Variants in GABRB3 observed in about 807,000 individuals in gnomAD.
The protein encoded by GABRB3 is gamma-aminobutyric acid type A receptor subunit beta3.
GABRB3 carries 14 observed loss-of-function variants against 52.1 expected under a neutral mutation model. The ratio of observed to expected loss-of-function variants is 0.27; its 90% CI spans 0.18 to 0.42. The LOEUF (loss-of-function observed/expected upper bound fraction) is 0.42. Ranked by LOEUF, GABRB3 falls within the 10% of genes least tolerant of loss-of-function variation. The pLI is 1.00. For missense variants in GABRB3, 307 were observed against 609.1 expected, an observed-to-expected ratio of 0.50 and a Z score of 5.22; for synonymous variants, 260 against 232.3, an observed-to-expected ratio of 1.12 and a Z score of -1.08.
At chr15:26,709,734 G>A (rs950880021) in intron 3 of GABRB3, among the ~76,000 whole-genome samples, 2 of 151,918 alleles carry the variant, frequency 1.3e-5, no homozygotes, top group African/African-American at 2.4e-5. Context: ...AGCCAGGATG[G>A]TCTCAATCTC....
At chr15:26,629,118 A>T in intron 3 of GABRB3, 1 of 1,529,904 alleles carries the variant, frequency 6.5e-7, no homozygotes. Flanking sequence ...TCTGCTCTTT[A>T]CAGGAGAGGC....
intron 7 of GABRB3, among the ~76,000 whole-genome samples, chr15:26,565,213 A>G (rs1032810921): frequency 6.6e-6 from 1 of 151,956 alleles, no homozygotes; most frequent in Non-Finnish European, 1.5e-5. Context: ...TGCTCCTGAC[A>G]CTGCGTCATA....
chr15:26,583,233 C>CA, intron 5 of GABRB3, 99 bp downstream of exon 5: 2 of 966,038 alleles, frequency 2.1e-6, no homozygotes, highest in Non-Finnish European at 3.3e-6. Flanking sequence ...CTTTCTATGT[C>CA]AAAAAAATTA....
intron 8 of GABRB3, among the ~76,000 whole-genome samples, chr15:26,555,655 A>T (rs923175080): frequency 2.0e-5 from 3 of 152,220 alleles, no homozygotes; most frequent in Non-Finnish European, 2.9e-5. Flanking sequence ...CTTAGGACAT[A>T]GCACATGTGA....
chr15:26,684,786 A>G (rs1350483312), intron 3 of GABRB3, among the ~76,000 whole-genome samples: 2 of 152,166 alleles, frequency 1.3e-5, no homozygotes, highest in African/African-American at 4.8e-5. Flanking sequence ...GCCGTCTTCT[A>G]TGGGTGCTGT....
At chr15:26,606,289 A>C (rs939753569) in intron 4 of GABRB3, among the ~76,000 whole-genome samples, 5 of 152,158 alleles carry the variant, frequency 3.3e-5, no homozygotes, top group African/African-American at 1.2e-4. Flanking sequence ...ACATGACTAA[A>C]AGAGTATTAT....
At position 26,772,439 on chromosome 15, in the gene GABRB3, T is replaced by C; in HGVS notation, c.203A>G (p.Asp68Gly). Reference protein sequence around the residue: ...GPPVCVGMNIDIASIDMVSEV... With the variant: ...GPPVCVGMNIGIASIDMVSEV... ...GGAAACCATGTCGATGCTGGCGATG[T>C]CGATGTTCATCCCCACGCAGACCGG... Residue 68 changes from aspartate to glycine, a missense_variant, in exon 3 of 9, where the codon GAC becomes GGC. Physicochemically the swap from Asp to Gly is moderately conservative, Grantham distance 94 (BLOSUM62 -1). Coordinates refer to ENST00000311550, the MANE Select transcript of GABRB3 (RefSeq NM_000814.6). 6.2e-7 allele frequency: 1 copy of C among 1,610,922 alleles called. No individual in the cohort carries two copies. Among genetic ancestry groups the C allele is most frequent in the Non-Finnish European group, 8.5e-7 (1 of 1,178,560 alleles).
In GABRB3 at chr15:26,763,607, T is replaced by C. The variant is rs374518612; in HGVS notation, c.240+8795A>G. Among the ~76,000 whole-genome samples the C allele has an allele frequency of 3.4e-5, 5 of 145,856 alleles. No homozygotes were observed. In the South Asian group the frequency reaches 8.9e-4, roughly 26 times the overall value. Reference sequence around the variant, plus strand: ...CACAACCATTTTTGGTCTGCATAGATACACACACACACACACACACACACA... The same window carrying C: ...CACAACCATTTTTGGTCTGCATAGACACACACACACACACACACACACACA... On this transcript the variant is annotated intron_variant, in intron 3 of 8. Coordinates refer to ENST00000311550, the MANE Select transcript of GABRB3 (RefSeq NM_000814.6).
At chr15:26,615,711 T>C in intron 4 of GABRB3, 1 of 1,068,172 alleles carries the variant, frequency 9.4e-7, no homozygotes, top group Non-Finnish European at 1.2e-6. Flanking sequence ...CCACTGATGC[T>C]GTTCCCATAA....
intron 3 of GABRB3, among the ~76,000 whole-genome samples, chr15:26,669,078 T>G (rs1369254735): frequency 9.2e-5 from 14 of 152,154 alleles, no homozygotes; most frequent in Non-Finnish European, 1.5e-5. Flanking sequence ...CTCACTGCTT[T>G]CCATAAACAG....
At chr15:26,580,265 C>T in intron 6 of GABRB3, 54 bp downstream of exon 6, 1 of 1,609,874 alleles carries the variant, frequency 6.2e-7, no homozygotes, top group Non-Finnish European at 8.5e-7. Context: ...TCACTCCAGT[C>T]ACGCCCATGG....
rs147343945 is a variant in GABRB3, at chr15:26,622,513, G to A, written c.241-979C>T. Among the ~76,000 whole-genome samples, 89 of 152,292 alleles carry A rather than the reference G, an allele frequency of 5.8e-4. 1 individual carries two copies. The highest frequency in any genetic ancestry group is 2.0e-3 in the African/African-American group (83 of 41,582). On this transcript the variant is annotated intron_variant, in intron 3 of 8. Transcript: ENST00000311550. ...GTTAGGAGGTAAATTATCCAACCAC[G>A]GAGGGGAAAAAATCGCTGCCATTCT... is the stretch of plus-strand genomic sequence containing the variant.
At chr15:26,670,289 G>A (rs527449499) in intron 3 of GABRB3, among the ~76,000 whole-genome samples, 62 of 152,308 alleles carry the variant, frequency 4.1e-4, no homozygotes, top group Middle Eastern at 3.4e-3. Flanking sequence ...GGGTAGGCGG[G>A]AAGAGGGGCC....
At chr15:26,637,761 C>T (rs529057595) in intron 3 of GABRB3, among the ~76,000 whole-genome samples, 4 of 152,284 alleles carry the variant, frequency 2.6e-5, no homozygotes, top group East Asian at 1.9e-4. Flanking sequence ...GAAGCATTAG[C>T]GAGACAGACA....
At chr15:26,751,771 G>A (rs1890515526) in intron 3 of GABRB3, among the ~76,000 whole-genome samples, 1 of 151,920 alleles carries the variant, frequency 6.6e-6, no homozygotes, top group African/African-American at 2.4e-5. Context: ...ATTTCATACT[G>A]TCAAATTTGT....
intron 4 of GABRB3, among the ~76,000 whole-genome samples, chr15:26,606,789 T>TAG (rs1555370506): frequency 2.4e-4 from 29 of 122,770 alleles, no homozygotes; most frequent in East Asian, 2.4e-4. Flanking sequence ...TAGATATATC[T>TAG]ATAGATAGAT....
intron 3 of GABRB3, among the ~76,000 whole-genome samples, chr15:26,758,790 AC>A (rs1018299291): frequency 4.0e-5 from 6 of 151,756 alleles, no homozygotes; most frequent in East Asian, 1.9e-4. Context: ...AGAAAAAAAA[AC>A]AACCTTAAGT....
At chr15:26,709,839 T>A (rs1889238101) in intron 3 of GABRB3, among the ~76,000 whole-genome samples, 1 of 152,136 alleles carries the variant, frequency 6.6e-6, no homozygotes, top group Non-Finnish European at 1.5e-5. Context: ...TCTTTATAAA[T>A]TACCCAGCCT....
At chr15:26,625,090 CT>C (rs1447139004) in intron 3 of GABRB3, 1 of 456,932 alleles carries the variant, frequency 2.2e-6, no homozygotes. Flanking sequence ...CCCTCAAACA[CT>C]AGTAACCCGG....
Sources: gnomAD v4.1 joint callset for allele counts (sites outside exome capture counted in the v4.1 genomes callset) on GRCh38, gnomAD v4.1.1 for gene constraint, MANE v1.5 for transcripts, NCBI Gene and HGNC (gene_info 2026-07-23, HGNC 2026-07-21) for gene names.